The following CREB3L2 variants were observed in gnomAD, a reference collection of about 807,000 sequenced individuals.
CREB3L2 encodes cAMP responsive element binding protein 3 like 2.
Under a neutral mutation model 57.2 loss-of-function variants are expected in CREB3L2, and 23 were observed. That is an observed-to-expected ratio of 0.40 (90% CI 0.29 to 0.57). The LOEUF (loss-of-function observed/expected upper bound fraction) is 0.57, where lower values mean the gene tolerates loss of function less well. Ranked by LOEUF, CREB3L2 falls within the 20% of genes least tolerant of loss-of-function variation. CREB3L2 has a pLI of 0.42. For synonymous variants in CREB3L2, 268 were observed against 265.1 expected (o/e 1.01, Z -0.11); for missense variants, 628 against 634.7 (o/e 0.99, Z 0.11).
intron 1 of CREB3L2, among the ~76,000 whole-genome samples, chr7:137,961,717 C>CG (rs943481268): frequency 6.6e-6 from 1 of 152,122 alleles, no homozygotes; most frequent in Non-Finnish European, 1.5e-5. Flanking sequence ...TTTTCCCACC[C>CG]GGGGGGCACA....
At chr7:137,922,384 G>GTGTATATATATA (rs1222708681) in intron 2 of CREB3L2, among the ~76,000 whole-genome samples, 6 of 19,582 alleles carry the variant, frequency 3.1e-4, no homozygotes, top group Non-Finnish European at 3.3e-4. Context: ...ATATATATAT[G>GTGTATATATATA]TATATATATA....
intron 8 of CREB3L2, among the ~76,000 whole-genome samples, chr7:137,898,257 C>T (rs28370936): frequency 0.065 from 9,954 of 152,158 alleles, 1,008 homozygotes; most frequent in African/African-American, 0.22. Context: ...AGACAAGGCG[C>T]GAAAAGTGTT....
chr7:137,967,456 G>A (rs187301776), intron 1 of CREB3L2, among the ~76,000 whole-genome samples: 4 of 152,254 alleles, frequency 2.6e-5, no homozygotes, highest in Non-Finnish European at 4.4e-5. Context: ...CACTACTAGC[G>A]GATGTAAAAG....
chr7:137,923,592 T>C (rs957825528), intron 2 of CREB3L2, among the ~76,000 whole-genome samples: 4 of 152,234 alleles, frequency 2.6e-5, no homozygotes, highest in African/African-American at 9.6e-5. Context: ...GACACCGTTA[T>C]GCACCTCATT....
Position 137,885,125 on chromosome 7 carries a change from TGGGAGAGAAAGAG to T in CREB3L2, c.1144-17_1144-5del. On this transcript the variant is annotated splice_region_variant and splice_polypyrimidine_tract_variant and intron_variant, in intron 9 of 11. Coordinates refer to ENST00000330387, the MANE Select transcript of CREB3L2 (RefSeq NM_194071.4). ...CGGCAAAGCACAGCACCACAACCTGTGGGAGAGAAAGAGGGGAGAGAGAACACGAGGGGCTGTG... is the reference window on the plus strand; with the variant it reads ...CGGCAAAGCACAGCACCACAACCTGTGGGAGAGAGAACACGAGGGGCTGTG... 1 of 1,613,822 alleles carries T rather than the reference TGGGAGAGAAAGAG, an allele frequency of 6.2e-7. No individual in the cohort carries two copies. Among genetic ancestry groups the T allele is most frequent in the South Asian group, 1.1e-5 (1 of 91,060 alleles).
At chr7:137,886,969 GCTC>G (rs1185101846) in intron 8 of CREB3L2, among the ~76,000 whole-genome samples, 2 of 152,136 alleles carry the variant, frequency 1.3e-5, no homozygotes, top group Non-Finnish European at 2.9e-5. Context: ...AAGAGTTGAA[GCTC>G]CTCCTCATCC....
intron 1 of CREB3L2, among the ~76,000 whole-genome samples, chr7:137,965,982 A>G (rs1801400933): frequency 6.6e-6 from 1 of 152,164 alleles, no homozygotes; most frequent in Non-Finnish European, 1.5e-5. Flanking sequence ...AGTGGGGCCC[A>G]AGAATATGTC....
chr7:137,961,257 A>G (rs575294151), intron 1 of CREB3L2, among the ~76,000 whole-genome samples: 6 of 151,914 alleles, frequency 3.9e-5, no homozygotes, highest in African/African-American at 1.5e-4. Flanking sequence ...AATTTTCTCA[A>G]TGTAAATGAA....
intron 1 of CREB3L2, among the ~76,000 whole-genome samples, chr7:137,998,489 T>TTCTC (rs1802026442): frequency 6.6e-6 from 1 of 152,238 alleles, no homozygotes; most frequent in Non-Finnish European, 1.5e-5. Context: ...ATTCAGTTCC[T>TTCTC]TCTCTTTAAG....
At chr7:137,963,086 C>T (rs274011) in intron 1 of CREB3L2, among the ~76,000 whole-genome samples, 1 of 151,948 alleles carries the variant, frequency 6.6e-6, no homozygotes, top group African/African-American at 2.4e-5. Context: ...AACCAGCCCC[C>T]CTCCTTCACG....
At chr7:137,952,516 T>G (rs930476224) in intron 1 of CREB3L2, among the ~76,000 whole-genome samples, 2 of 152,182 alleles carry the variant, frequency 1.3e-5, no homozygotes, top group Non-Finnish European at 2.9e-5. Context: ...CATTTGCCAG[T>G]CTGTGAAATT....
At chr7:137,890,224 C>T (rs1019951979) in intron 8 of CREB3L2, among the ~76,000 whole-genome samples, 1 of 152,074 alleles carries the variant, frequency 6.6e-6, no homozygotes, top group Admixed American at 6.5e-5. Context: ...ACACAAAAAC[C>T]ATCAGGGCAA....
At chr7:137,978,434 A>G (rs1801648059) in intron 1 of CREB3L2, among the ~76,000 whole-genome samples, 1 of 152,000 alleles carries the variant, frequency 6.6e-6, no homozygotes. Flanking sequence ...GAACTTTCCT[A>G]TCCCCTCCGT....
intron 1 of CREB3L2, among the ~76,000 whole-genome samples, chr7:137,954,089 G>C (rs573398841): frequency 6.6e-6 from 1 of 152,264 alleles, no homozygotes; most frequent in African/African-American, 2.4e-5. Context: ...CTGGTATTCT[G>C]AAGTTCCACA....
intron 2 of CREB3L2, among the ~76,000 whole-genome samples, chr7:137,918,433 G>A (rs945972782): frequency 9.9e-5 from 15 of 152,014 alleles, no homozygotes; most frequent in East Asian, 1.9e-4. Flanking sequence ...TCAGGTGATC[G>A]GCCTCCCAAA....
intron 4 of CREB3L2, chr7:137,912,722 A>G (rs755738471): frequency 3.2e-6 from 3 of 923,932 alleles, no homozygotes; most frequent in African/African-American, 1.7e-5. Context: ...AGTCCATAAA[A>G]GTTTTGAAAA....
chr7:137,988,781 T>C (rs1448503573), intron 1 of CREB3L2, among the ~76,000 whole-genome samples: 3 of 152,092 alleles, frequency 2.0e-5, no homozygotes, highest in Non-Finnish European at 4.4e-5. Flanking sequence ...TGGACTTATC[T>C]GGAGAGAAGA....
intron 2 of CREB3L2, among the ~76,000 whole-genome samples, chr7:137,925,234 A>C (rs1004902061): frequency 6.6e-6 from 1 of 152,044 alleles, no homozygotes; most frequent in Non-Finnish European, 1.5e-5. Flanking sequence ...AAAAGGAGAA[A>C]AACTCTAATA....
chr7:137,920,894 A>G (rs1193201495), intron 2 of CREB3L2, among the ~76,000 whole-genome samples: 1 of 152,240 alleles, frequency 6.6e-6, no homozygotes, highest in African/African-American at 2.4e-5. Flanking sequence ...ATATCAAATC[A>G]CAGAAAACAA....
Sources: allele counts gnomAD v4.1 joint callset (sites outside exome capture counted in the v4.1 genomes callset), GRCh38; gene constraint gnomAD v4.1.1; transcripts MANE v1.5; gene names NCBI Gene and HGNC (gene_info 2026-07-23, HGNC 2026-07-21).